Variants in LARS1 observed in about 807,000 individuals in gnomAD.
LARS1 encodes the protein leucine--tRNA ligase, cytoplasmic.
In LARS1, 100 loss-of-function variants were observed where a neutral mutation model predicts 162.8. The ratio of observed to expected loss-of-function variants is 0.61; its 90% CI spans 0.52 to 0.73. The LOEUF (loss-of-function observed/expected upper bound fraction) is 0.73. LARS1 is among the 30% of genes least tolerant of loss of function. The pLI, the probability that LARS1 is intolerant of heterozygous loss-of-function variation, is 0.00. For synonymous variants in LARS1, 457 were observed against 462.8 expected (o/e 0.99, Z 0.16); for missense variants, 1,258 against 1,408.9 (o/e 0.89, Z 1.71).
At chr5:146,141,486 T>C (rs1752774106) in intron 20 of LARS1, among the ~76,000 whole-genome samples, 1 of 152,214 alleles carries the variant, frequency 6.6e-6, no homozygotes, top group Non-Finnish European at 1.5e-5. Context: ...CCAATTTGCC[T>C]ACAAATGCAT....
Position 146,144,376 on chromosome 5 carries a change from A to G in LARS1, c.1656-27T>C, listed in dbSNP as rs747814229. On this transcript the variant is annotated intron_variant, in intron 17 of 31. Coordinates refer to ENST00000394434, the MANE Select transcript of LARS1 (RefSeq NM_020117.11). ...TAGAAAAGAGCAAAAGACAAAGTGT[A>G]TCTTTACTGGTTCACTTTTTTTGTT... The G allele has an allele frequency of 3.1e-6, 5 of 1,600,532 alleles. No individual in the cohort carries two copies. The South Asian group carries it at 4.5e-5, about 14-fold the overall frequency.
chr5:146,161,309 C>T (rs578227243), intron 6 of LARS1, among the ~76,000 whole-genome samples: 14 of 152,306 alleles, frequency 9.2e-5, no homozygotes, highest in African/African-American at 3.4e-4. Context: ...GTTGTGATGG[C>T]TATGGCAATT....
chr5:146,143,445 A>C lies in LARS1; in HGVS notation c.1844T>G (p.Leu615Trp). ...TVAHLLQGGN[L>W]HGQAESPLGI... ...CAGCGGAGACTCTGCCTGTCCATGC[A>C]AGTTACCCCCCTGCAATAGGTGTGC... Residue 615 changes from leucine to tryptophan, a missense_variant, in exon 19 of 32, where the codon TTG becomes TGG. Physicochemically the swap from Leu to Trp is moderately conservative, Grantham distance 61 (BLOSUM62 -2). Transcript: ENST00000394434. 6.2e-7 allele frequency: 1 copy of C among 1,613,756 alleles called. No individual in the cohort carries two copies. The highest frequency in any genetic ancestry group is 8.5e-7 in the Non-Finnish European group (1 of 1,179,722).
At chr5:146,135,177 T>A (rs1752451491) in intron 22 of LARS1, among the ~76,000 whole-genome samples, 1 of 151,598 alleles carries the variant, frequency 6.6e-6, no homozygotes, top group Admixed American at 6.6e-5. Flanking sequence ...GCTAATTTTT[T>A]TTTTTTTTTT....
At chr5:146,120,049 T>C (rs1581002258) in intron 31 of LARS1, among the ~76,000 whole-genome samples, 1 of 152,306 alleles carries the variant, frequency 6.6e-6, no homozygotes, top group East Asian at 1.9e-4. Flanking sequence ...TGTTCCTTGA[T>C]TCTGAATATC....
intron 12 of LARS1, 117 bp downstream of exon 12, chr5:146,153,617 G>T: frequency 1.4e-6 from 1 of 714,576 alleles, no homozygotes; most frequent in Non-Finnish European, 2.4e-6. Context: ...ACAAGTTAGA[G>T]ATAGCAGTTT....
In LARS1 at chr5:146,120,468, T is replaced by C; in HGVS notation, c.3228A>G (p.Pro1076=). 1 of 1,613,164 alleles carries C rather than the reference T, an allele frequency of 6.2e-7. No individual in the cohort carries two copies. Among genetic ancestry groups the C allele is most frequent in the Non-Finnish European group, 8.5e-7 (1 of 1,179,388 alleles). ...GVSVSLVNPQ[P]SNGHFSTKIE... ...TTTTGGTTGAGAAGTGGCCATTGGATGGCTGGGGATTCACCAGAGAAACGG... is the reference window on the plus strand; with the variant it reads ...TTTTGGTTGAGAAGTGGCCATTGGACGGCTGGGGATTCACCAGAGAAACGG... Residue 1076 remains proline (P), a synonymous_variant, in exon 31 of 32, where the codon CCA becomes CCG. Transcript: ENST00000394434.
chr5:146,131,750 C>G (rs947074718), intron 23 of LARS1: 33 of 152,174 alleles, frequency 2.2e-4, no homozygotes, highest in African/African-American at 7.5e-4. Flanking sequence ...CTCAGCCTTT[C>G]AAAGTGCCTG....
At position 146,123,965 on chromosome 5, in the gene LARS1, A is replaced by G; in HGVS notation, c.3096+17T>C. On this transcript the variant is annotated intron_variant, in intron 29 of 31. Transcript: ENST00000394434. ...TAACTACAGTTAACTGGTTATTACA[A>G]TCCCTGGCCCTCTTACCTCAAGCGA... 1 of 1,374,498 alleles carries G rather than the reference A, an allele frequency of 7.3e-7. No homozygotes were observed. The highest frequency in any genetic ancestry group is 1.0e-6 in the Non-Finnish European group (1 of 967,244). The allele number at this position is 1,374,498 out of a possible 1,614,324, so 85.1% of individuals were successfully genotyped here.
chr5:146,161,471 G>A (rs928337620), intron 6 of LARS1, among the ~76,000 whole-genome samples: 5 of 152,214 alleles, frequency 3.3e-5, no homozygotes, highest in Admixed American at 2.6e-4. Context: ...GCTCATGCCT[G>A]TAATTCCAGC....
In LARS1 at chr5:146,120,355, T is replaced by G; in HGVS notation, c.3325+16A>C. 6.2e-7 allele frequency: 1 copy of G among 1,612,534 alleles called. No individual in the cohort carries two copies. Among genetic ancestry groups the G allele is most frequent in the Non-Finnish European group, 8.5e-7 (1 of 1,178,858 alleles). ...TACAAGCTACTGACAAATGGGAGTT[T>G]TGGGGAACAACTTACCTTTAATTCC... On this transcript the variant is annotated intron_variant, in intron 31 of 31. Coordinates refer to ENST00000394434, the MANE Select transcript of LARS1 (RefSeq NM_020117.11).
intron 10 of LARS1, among the ~76,000 whole-genome samples, chr5:146,155,570 T>G (rs2962506): frequency 0.97 from 147,400 of 152,304 alleles, 71,515 homozygotes; most frequent in East Asian, 1. Context: ...ATTTGCAGCT[T>G]CTTGCTCTAG....
At chr5:146,163,658 C>G (rs891799231) in intron 6 of LARS1, among the ~76,000 whole-genome samples, 6 of 152,162 alleles carry the variant, frequency 3.9e-5, no homozygotes, top group Non-Finnish European at 8.8e-5. Flanking sequence ...TGCACTCCAG[C>G]CTGGGTGACA....
intron 21 of LARS1, among the ~76,000 whole-genome samples, chr5:146,136,149 C>T (rs774993444): frequency 8.5e-5 from 13 of 152,232 alleles, no homozygotes; most frequent in African/African-American, 2.9e-4. Flanking sequence ...GGAAGAGGCA[C>T]CACTCACAGC....
chr5:146,130,165 A>C lies in LARS1; in HGVS notation c.2488-7T>G, dbSNP rs17104268. On this transcript the variant is annotated splice_region_variant and splice_polypyrimidine_tract_variant and intron_variant, in intron 24 of 31. Transcript: ENST00000394434. ...GGTACTTATCTTTTGCGGCCTATAAAATTTGAAATTATTTACCATTTCCCT... is the reference window on the plus strand; with the variant it reads ...GGTACTTATCTTTTGCGGCCTATAACATTTGAAATTATTTACCATTTCCCT... The C allele has an allele frequency of 0.066, 106,883 of 1,609,956 alleles. 3,975 individuals carry two copies. The highest frequency in any genetic ancestry group is 0.071 in the Non-Finnish European group (84,125 of 1,178,088).
intron 2 of LARS1, among the ~76,000 whole-genome samples, chr5:146,176,451 A>C (rs1754581930): frequency 1.1e-5 from 1 of 94,078 alleles, no homozygotes; most frequent in African/African-American, 2.7e-5. Context: ...ACTGTCTCAA[A>C]AAAAAAAAAA....
intron 6 of LARS1, 152 bp from the exon 7 acceptor site, chr5:146,160,638 C>T (rs1753739836): frequency 1.1e-5 from 5 of 447,928 alleles, no homozygotes; most frequent in African/African-American, 4.1e-5. Flanking sequence ...AAAAGTATAT[C>T]ACAATTACTT....
chr5:146,182,347 CAA>C, intron 1 of LARS1, 139 bp downstream of exon 1: 1 of 1,087,964 alleles, frequency 9.2e-7, no homozygotes, highest in East Asian at 2.4e-5. Flanking sequence ...CAAGAAAAAG[CAA>C]AGTCTCTACG....
Position 146,182,568 on chromosome 5 carries a change from C to G in LARS1, c.-75G>C, listed in dbSNP as rs188183876. ...TCCACAAAGGAGTGGTTACCTTTCC[C>G]CTCCCTCTCGGGGATGCCAGGCCTC... On this transcript the variant is annotated 5_prime_UTR_variant, in exon 1 of 32. Coordinates refer to ENST00000394434, the MANE Select transcript of LARS1 (RefSeq NM_020117.11). The G allele has an allele frequency of 8.4e-4, 1,348 of 1,600,342 alleles. 3 individuals are homozygous for G. The highest frequency in any genetic ancestry group is 7.0e-4 in the Non-Finnish European group (813 of 1,167,586).
Sources: gnomAD v4.1 joint callset for allele counts (sites outside exome capture counted in the v4.1 genomes callset) on GRCh38, gnomAD v4.1.1 for gene constraint, MANE v1.5 for transcripts, NCBI Gene and HGNC (gene_info 2026-07-23, HGNC 2026-07-21) for gene names.